CDH13: variants seen among roughly 807,000 people sequenced by gnomAD.
CDH13 encodes the protein cadherin-13.
CDH13 carries 24 observed loss-of-function variants against 63.8 expected under a neutral mutation model. That is an observed-to-expected ratio of 0.38 (90% CI 0.27 to 0.53). CDH13 has a LOEUF of 0.53. Ranked by LOEUF, CDH13 falls within the 20% of genes least tolerant of loss-of-function variation. The probability of loss-of-function intolerance (pLI) is 0.85; values close to 1 mark genes in which losing one functional copy is unlikely to be tolerated. For missense variants in CDH13, 1,049 were observed against 903.1 expected, an observed-to-expected ratio of 1.16 and a Z score of -2.07; for synonymous variants, 503 against 355.3, an observed-to-expected ratio of 1.42 and a Z score of -4.67.
intron 6 of CDH13, among the ~76,000 whole-genome samples, chr16:83,358,941 C>G (rs1444273680): frequency 6.6e-6 from 1 of 152,116 alleles, no homozygotes; most frequent in Non-Finnish European, 1.5e-5. Flanking sequence ...CAGTCTAGTA[C>G]TAATAATCTG....
chr16:83,109,038 C>G (rs1397641475), intron 3 of CDH13, among the ~76,000 whole-genome samples: 2 of 149,674 alleles, frequency 1.3e-5, no homozygotes, highest in African/African-American at 2.5e-5. Flanking sequence ...CTGTTAAATC[C>G]TCAATCTTAG....
At chr16:83,745,135 G>A (rs554269526) in intron 10 of CDH13, among the ~76,000 whole-genome samples, 11 of 152,264 alleles carry the variant, frequency 7.2e-5, no homozygotes, top group South Asian at 4.1e-4. Context: ...GTGTCCAGCC[G>A]GCGCAATGTA....
chr16:83,418,472 T>G (rs1041524054), intron 6 of CDH13, among the ~76,000 whole-genome samples: 3 of 152,202 alleles, frequency 2.0e-5, no homozygotes, highest in African/African-American at 7.2e-5. Flanking sequence ...TCAGACTTTC[T>G]TACATTCTCA....
At chr16:83,354,122 C>T (rs1043529008) in intron 6 of CDH13, among the ~76,000 whole-genome samples, 28 of 152,120 alleles carry the variant, frequency 1.8e-4, no homozygotes, top group African/African-American at 3.9e-4. Context: ...GAATTTCTAG[C>T]GAAAATGAAA....
intron 1 of CDH13, among the ~76,000 whole-genome samples, chr16:82,705,426 C>G (rs1275979341): frequency 3.3e-5 from 5 of 152,168 alleles, no homozygotes; most frequent in Admixed American, 3.3e-4. Context: ...TCCATATGCA[C>G]GACAACCCGG....
intron 2 of CDH13, among the ~76,000 whole-genome samples, chr16:83,019,914 A>T (rs952271447): frequency 6.6e-6 from 1 of 151,902 alleles, no homozygotes; most frequent in Admixed American, 6.6e-5. Context: ...TATTATCATT[A>T]CCAAATATTA....
chr16:82,660,089 A>T (rs1911758304), intron 1 of CDH13, among the ~76,000 whole-genome samples: 1 of 152,232 alleles, frequency 6.6e-6, no homozygotes, highest in South Asian at 2.1e-4. Context: ...TTTAAAAAGC[A>T]GAAAGTAATA....
chr16:83,450,508 C>T (rs752999560), intron 6 of CDH13, among the ~76,000 whole-genome samples: 12 of 152,050 alleles, frequency 7.9e-5, no homozygotes, highest in Non-Finnish European at 1.5e-4. Context: ...ATAGGCATGC[C>T]AAATACAGCT....
intron 7 of CDH13, among the ~76,000 whole-genome samples, chr16:83,510,317 T>C (rs962550240): frequency 4.6e-5 from 7 of 152,160 alleles, no homozygotes; most frequent in African/African-American, 1.7e-4. Context: ...AAAATATGAA[T>C]TTAGATGACA....
At position 83,174,761 on chromosome 16, in the gene CDH13, TG is replaced by T. The variant is rs2038059801; in HGVS notation, c.484-42580del. Among the ~76,000 whole-genome samples, 3 of 152,222 alleles carry T rather than the reference TG, an allele frequency of 2.0e-5. No individual in the cohort carries two copies. The South Asian group carries it at 6.2e-4, about 32-fold the overall frequency. ...TCCTTGACTCACATTTCTACATGGTTGGGGAGGCCTTAGGAAACTTAACAAT... is the reference window on the plus strand; with the variant it reads ...TCCTTGACTCACATTTCTACATGGTTGGGAGGCCTTAGGAAACTTAACAAT... On this transcript the variant is annotated intron_variant, in intron 4 of 13. Coordinates refer to ENST00000567109, the MANE Select transcript of CDH13 (RefSeq NM_001257.5).
At chr16:82,853,661 C>T (rs1384688121) in intron 1 of CDH13, among the ~76,000 whole-genome samples, 1 of 152,164 alleles carries the variant, frequency 6.6e-6, no homozygotes, top group Non-Finnish European at 1.5e-5. Context: ...TTGTAGCAGG[C>T]TGATGGTAAT....
At chr16:83,048,021 A>G (rs2151499118) in intron 3 of CDH13, among the ~76,000 whole-genome samples, 1 of 152,316 alleles carries the variant, frequency 6.6e-6, no homozygotes, top group South Asian at 2.1e-4. Context: ...CACAATAGAA[A>G]AATATGAACT....
At chr16:82,827,723 A>G (rs1039257798) in intron 1 of CDH13, among the ~76,000 whole-genome samples, 1 of 152,234 alleles carries the variant, frequency 6.6e-6, no homozygotes. Flanking sequence ...GATTCTCAGC[A>G]TGAATGCCCT....
At chr16:83,699,455 C>A (rs1905880056) in intron 10 of CDH13, among the ~76,000 whole-genome samples, 1 of 152,186 alleles carries the variant, frequency 6.6e-6, no homozygotes, top group South Asian at 2.1e-4. Flanking sequence ...AAGATTTCTG[C>A]AAATTCCAGA....
chr16:83,353,653 C>G (rs1234156416), intron 6 of CDH13, among the ~76,000 whole-genome samples: 2 of 152,246 alleles, frequency 1.3e-5, no homozygotes, highest in African/African-American at 4.8e-5. Flanking sequence ...TGGAGATCAG[C>G]TCAAGAGATG....
chr16:83,344,945 C>T lies in CDH13; in HGVS notation c.720C>T (p.Asp240=), dbSNP rs1381836092. 6.2e-7 allele frequency: 1 copy of T among 1,613,886 alleles called. No homozygotes were observed. The highest frequency in any genetic ancestry group is 1.3e-5 in the African/African-American group (1 of 74,946). Residue 240 remains aspartate, a synonymous_variant, in exon 6 of 14, where the codon GAC becomes GAT. Transcript: ENST00000567109. ...PLEVIVIDQN[D]NRPIFREGPY... ...AAGTCATTGTGATTGATCAGAATGACAACCGACCGATCTTTCGGGAAGGCC... is the reference window on the plus strand; with the variant it reads ...AAGTCATTGTGATTGATCAGAATGATAACCGACCGATCTTTCGGGAAGGCC...
At chr16:83,511,098 A>ACACG (rs1406730970) in intron 7 of CDH13, among the ~76,000 whole-genome samples, 1 of 112,976 alleles carries the variant, frequency 8.9e-6, no homozygotes, top group Non-Finnish European at 1.8e-5. Context: ...ACACACATGC[A>ACACG]CACATGCACG....
intron 1 of CDH13, among the ~76,000 whole-genome samples, chr16:82,855,673 C>G (rs1189587175): frequency 6.6e-6 from 1 of 152,152 alleles, no homozygotes; most frequent in African/African-American, 2.4e-5. Context: ...ACAAGGGAAT[C>G]CATGATTCAC....
At position 83,203,653 on chromosome 16, in the gene CDH13, C is replaced by G. The variant is rs866675463; in HGVS notation, c.484-13692C>G. Among the ~76,000 whole-genome samples the G allele has an allele frequency of 2.5e-3, 248 of 98,958 alleles. 2 individuals are homozygous for G. Among genetic ancestry groups the G allele is most frequent in the African/African-American group, 8.6e-3 (217 of 25,272 alleles). 64.9% of individuals were successfully genotyped at this position (98,958 alleles called of 152,430 possible). ...TTCCAGCCTGGGTGACAGAGTGAGA[C>G]TCCATCTCAAAAAAAAAAAAAAAAA... On this transcript the variant is annotated intron_variant, in intron 4 of 13. Coordinates refer to ENST00000567109, the MANE Select transcript of CDH13 (RefSeq NM_001257.5).
Sources: allele counts gnomAD v4.1 joint callset (sites outside exome capture counted in the v4.1 genomes callset), GRCh38; gene constraint gnomAD v4.1.1; transcripts MANE v1.5; gene names NCBI Gene and HGNC (gene_info 2026-07-23, HGNC 2026-07-21).